CC2D2A: variants seen among roughly 807,000 people sequenced by gnomAD.
CC2D2A encodes coiled-coil and C2 domain-containing protein 2A.
In CC2D2A, 155 loss-of-function variants were observed where a neutral mutation model predicts 212.9. The observed-to-expected ratio is 0.73, with a 90% CI of 0.64 to 0.83. The LOEUF (loss-of-function observed/expected upper bound fraction) is 0.83. CC2D2A is among the 40% of genes least tolerant of loss of function. The probability of loss-of-function intolerance (pLI) is 0.00; values close to 1 mark genes in which losing one functional copy is unlikely to be tolerated. For synonymous variants in CC2D2A, 667 were observed against 686.5 expected (o/e 0.97, Z 0.44); for missense variants, 1,856 against 1,956.2 (o/e 0.95, Z 0.97).
intron 4 of CC2D2A, among the ~76,000 whole-genome samples, chr4:15,492,198 C>T (rs373923262): frequency 9.8e-4 from 150 of 152,294 alleles, no homozygotes; most frequent in African/African-American, 3.3e-3. Context: ...TCATCCATAA[C>T]ACCTGTCTTT....
intron 8 of CC2D2A, among the ~76,000 whole-genome samples, chr4:15,513,969 C>T (rs1049973042): frequency 6.6e-6 from 1 of 151,992 alleles, no homozygotes; most frequent in Non-Finnish European, 1.5e-5. Flanking sequence ...AGATGTTGCT[C>T]ATAAATGGAC....
In CC2D2A at chr4:15,502,823, C is replaced by T; in HGVS notation, c.338C>T (p.Ser113Phe). The change falls in exon 6 of 37, where the codon TCC (serine) becomes TTC (phenylalanine). Residue 113 changes from serine (S) to phenylalanine (F), a missense_variant and splice_region_variant. By Grantham distance (155) the Ser-to-Phe change is radical (BLOSUM62 -2). Around this residue, in one of 5 missense-constraint regions of CC2D2A, gnomAD observed 1,512 missense variants for 1,579.3 expected, o/e 0.96. Coordinates refer to ENST00000424120, the MANE Select transcript of CC2D2A (RefSeq NM_001378615.1). Reference protein sequence around the residue: ...RMREKLQAARSKAESALLQEI... With the variant: ...RMREKLQAARFKAESALLQEI... ...GTAAATTTCTGTTTGACTTTTTAGT[C>T]CAAAGCAGAAAGTGCATTGCTGCAG... 1.2e-6 allele frequency: 2 copies of T among 1,607,320 alleles called. No individual in the cohort carries two copies. The highest frequency in any genetic ancestry group is 1.1e-5 in the South Asian group (1 of 89,316).
Position 15,537,976 on chromosome 4 carries a change from G to C in CC2D2A, c.1842G>C (p.Glu614Asp). 6.2e-7 allele frequency: 1 copy of C among 1,610,698 alleles called. No homozygotes were observed. The highest frequency in any genetic ancestry group is 8.5e-7 in the Non-Finnish European group (1 of 1,178,554). The change falls in exon 16 of 37, where the codon GAG (glutamate) becomes GAC (aspartate). Residue 614 changes from glutamate to aspartate, a missense_variant. By Grantham distance (45) the Glu-to-Asp change is conservative (BLOSUM62 2). This residue lies in a region of CC2D2A where 1,512 missense variants were observed against 1,579.3 expected (regional missense o/e 0.96). Coordinates refer to ENST00000424120, the MANE Select transcript of CC2D2A (RefSeq NM_001378615.1). Reference sequence around the variant, plus strand: ...AGATTGCAGAGCCGTATCCCGAGGAGGACCTTGTGAAGCCCAGCCCTCCAG... The same window carrying C: ...AGATTGCAGAGCCGTATCCCGAGGACGACCTTGTGAAGCCCAGCCCTCCAG... ...GDEIAEPYPE[E>D]DLVKPSPPEP...
chr4:15,487,854 CATCTT>C (rs1207491137), intron 4 of CC2D2A, among the ~76,000 whole-genome samples: 1 of 149,612 alleles, frequency 6.7e-6, no homozygotes, highest in Non-Finnish European at 1.5e-5. Context: ...TTGCAAATAA[CATCTT>C]ATAACCAGTT....
At chr4:15,548,570 CA>C (rs35130097) in intron 17 of CC2D2A, among the ~76,000 whole-genome samples, 1,639 of 128,412 alleles carry the variant, frequency 0.013, 18 homozygotes, top group African/African-American at 0.025. Flanking sequence ...TTAATTCTGG[CA>C]AAAAAAAAAA....
At chr4:15,569,993 G>C (rs993937524) in intron 27 of CC2D2A, among the ~76,000 whole-genome samples, 1 of 152,068 alleles carries the variant, frequency 6.6e-6, no homozygotes, top group Non-Finnish European at 1.5e-5. Flanking sequence ...AAACGCCTCT[G>C]GTAACATTTT....
intron 29 of CC2D2A, among the ~76,000 whole-genome samples, chr4:15,577,586 T>C (rs1327152493): frequency 6.6e-6 from 1 of 152,198 alleles, no homozygotes; most frequent in Admixed American, 6.5e-5. Context: ...AAAGACTAAA[T>C]GCTTACCATG....
At chr4:15,530,023 G>A (rs1026823004) in intron 13 of CC2D2A, among the ~76,000 whole-genome samples, 1 of 151,506 alleles carries the variant, frequency 6.6e-6, no homozygotes, top group African/African-American at 2.4e-5. Flanking sequence ...CCAGGCTGGA[G>A]TGCAGTGGTG....
At chr4:15,476,476 C>T (rs536184626) in intron 2 of CC2D2A, among the ~76,000 whole-genome samples, 1 of 152,308 alleles carries the variant, frequency 6.6e-6, no homozygotes, top group South Asian at 2.1e-4. Flanking sequence ...TAACACACAC[C>T]GACTAAATGC....
rs759970546 is a variant in CC2D2A, at chr4:15,574,195, T to C, written c.3640T>C (p.Tyr1214His). The C allele has an allele frequency of 7.2e-5, 112 of 1,551,226 alleles. No homozygotes were observed. The highest frequency in any genetic ancestry group is 1.7e-4 in the Middle Eastern group (1 of 5,998). Reference protein sequence around the residue: ...KIDIPPVLLGYSKERNMILER... With the variant: ...KIDIPPVLLGHSKERNMILER... The stretch of plus-strand genomic sequence containing the variant: ...AGATATTCCCCCAGTTCTTCTGGGC[T>C]ACAGTAAGGAGCGAAATATGATTCT... The change falls in exon 29 of 37, where the codon TAC (tyrosine) becomes CAC (histidine). Residue 1214 changes from tyrosine to histidine, a missense_variant. By Grantham distance (83) the Tyr-to-His change is moderately conservative (BLOSUM62 2). Around this residue, in one of 5 missense-constraint regions of CC2D2A, gnomAD observed 1,512 missense variants for 1,579.3 expected, o/e 0.96. Transcript: ENST00000424120.
At chr4:15,583,960 AAAAAG>A (rs139567085) in intron 30 of CC2D2A, among the ~76,000 whole-genome samples, 19,000 of 149,430 alleles carry the variant, frequency 0.13, 1,145 homozygotes, top group Non-Finnish European at 0.14. Flanking sequence ...CAAAAAAAAA[AAAAAG>A]AAAAGAAAAG....
rs201303853 is a variant in CC2D2A, at chr4:15,553,250, G to A, written c.2431G>A (p.Glu811Lys). ...VSHSVAWAIG[E>K]NGIPLIPPLS... ...TCATAGTGTGGCATGGGCCATTGGAGAAAACGGGATACCTTTAATTCCTCC... is the reference window on the plus strand; with the variant it reads ...TCATAGTGTGGCATGGGCCATTGGAAAAAACGGGATACCTTTAATTCCTCC... The change falls in exon 19 of 37, where the codon GAA (glutamate) becomes AAA (lysine). Residue 811 changes from glutamate to lysine, a missense_variant. Physicochemically the swap from Glu to Lys is moderately conservative, Grantham distance 56 (BLOSUM62 1). Transcript: ENST00000424120. The A allele has an allele frequency of 5.9e-5, 95 of 1,613,362 alleles. 1 individual carries two copies. In the South Asian group the frequency reaches 9.7e-4, roughly 16 times the overall value.
chr4:15,488,590 T>C (rs1340959641), intron 4 of CC2D2A, among the ~76,000 whole-genome samples: 1 of 152,248 alleles, frequency 6.6e-6, no homozygotes, highest in Admixed American at 6.5e-5. Flanking sequence ...GACATTCTTG[T>C]ACCTGCTCAA....
chr4:15,479,214 T>A, intron 3 of CC2D2A: 1 of 1,535,610 alleles, frequency 6.5e-7, no homozygotes, highest in Non-Finnish European at 8.7e-7. Flanking sequence ...AATTCTGTCT[T>A]TGAGGCAGAA....
In CC2D2A at chr4:15,600,917, A is replaced by AG. The variant is rs1553845808; in HGVS notation, c.4675-320_4675-319insG. Reference sequence around the variant, plus strand: ...CAGACCTGTCTCAAAAAAAAAAAAAAAAAAGAAAAAAGAAATGTATTTGTT... The same window carrying AG: ...CAGACCTGTCTCAAAAAAAAAAAAAAGAAAAGAAAAAAGAAATGTATTTGTT... On this transcript the variant is annotated intron_variant, in intron 36 of 36. Coordinates refer to ENST00000424120, the MANE Select transcript of CC2D2A (RefSeq NM_001378615.1). Among the ~76,000 whole-genome samples the AG allele has an allele frequency of 5.6e-3, 842 of 149,922 alleles. 9 individuals carry two copies. The highest frequency in any genetic ancestry group is 0.019 in the African/African-American group (778 of 40,826).
At chr4:15,552,717 C>T (rs1219906955) in intron 18 of CC2D2A, among the ~76,000 whole-genome samples, 1 of 152,192 alleles carries the variant, frequency 6.6e-6, no homozygotes. Context: ...AACAGTTTTG[C>T]TTCTTTAGCG....
chr4:15,504,636 G>A (rs1379992289), intron 6 of CC2D2A, among the ~76,000 whole-genome samples: 1 of 152,174 alleles, frequency 6.6e-6, no homozygotes, highest in Non-Finnish European at 1.5e-5. Context: ...AAAGCTGGAA[G>A]TTGTAGAAGT....
intron 21 of CC2D2A, 43 bp downstream of exon 21, chr4:15,557,550 CT>C: frequency 7.3e-7 from 1 of 1,367,970 alleles, no homozygotes; most frequent in Non-Finnish European, 1.0e-6. Context: ...AATAAAGTAC[CT>C]ACTGTGCTGT....
At chr4:15,535,914 C>T (rs777026221) in intron 14 of CC2D2A, among the ~76,000 whole-genome samples, 3 of 152,118 alleles carry the variant, frequency 2.0e-5, no homozygotes, top group Non-Finnish European at 4.4e-5. Flanking sequence ...ACACATTTGC[C>T]GCCATCTACC....
Sources: gnomAD v4.1 joint callset for allele counts (sites outside exome capture counted in the v4.1 genomes callset) on GRCh38, gnomAD v4.1.1 for gene constraint, gnomAD v4.1.1 regional missense constraint, MANE v1.5 for transcripts, NCBI Gene and HGNC (gene_info 2026-07-23, HGNC 2026-07-21) for gene names.